The following FCHSD2 variants were observed in gnomAD, a reference collection of about 807,000 sequenced individuals.
The protein encoded by FCHSD2 is FCH and double SH3 domains 2.
A neutral mutation model predicts 108.1 loss-of-function variants in FCHSD2; 38 were observed. The ratio of observed to expected loss-of-function variants is 0.35; its 90% CI spans 0.27 to 0.46. The LOEUF (loss-of-function observed/expected upper bound fraction) is 0.46. Ranked by LOEUF, FCHSD2 falls within the 20% of genes least tolerant of loss-of-function variation. The pLI is 1.00. For synonymous variants in FCHSD2, 279 were observed against 314.7 expected, an observed-to-expected ratio of 0.89 and a Z score of 1.20; for missense variants, 751 against 897.8, an observed-to-expected ratio of 0.84 and a Z score of 2.09.
intron 4 of FCHSD2, among the ~76,000 whole-genome samples, chr11:73,014,561 T>A (rs1487594188): frequency 6.6e-6 from 1 of 152,190 alleles, no homozygotes; most frequent in Non-Finnish European, 1.5e-5. Context: ...TCATATATCC[T>A]TCAGTTTTCT....
chr11:73,090,519 G>C (rs115503432), intron 2 of FCHSD2, among the ~76,000 whole-genome samples: 3 of 151,968 alleles, frequency 2.0e-5, no homozygotes, highest in African/African-American at 7.2e-5. Context: ...GCCACCGCGC[G>C]CGGCCTACAA....
At chr11:72,982,889 A>G (rs1239868387) in intron 8 of FCHSD2, among the ~76,000 whole-genome samples, 1 of 152,198 alleles carries the variant, frequency 6.6e-6, no homozygotes, top group African/African-American at 2.4e-5. Context: ...AGCCAAGCAC[A>G]ATGGCTCACA....
chr11:72,914,302 A>G (rs1210322550), intron 9 of FCHSD2, among the ~76,000 whole-genome samples: 1 of 152,208 alleles, frequency 6.6e-6, no homozygotes, highest in East Asian at 1.9e-4. Flanking sequence ...GGTGTGAGTC[A>G]GGTGCCCAGC....
chr11:72,914,542 T>C (rs1219463680), intron 9 of FCHSD2, among the ~76,000 whole-genome samples: 5 of 151,976 alleles, frequency 3.3e-5, no homozygotes, highest in East Asian at 1.9e-4. Context: ...AACAGACACA[T>C]AGACCAATGA....
intron 8 of FCHSD2, among the ~76,000 whole-genome samples, chr11:72,926,206 C>A (rs1462691710): frequency 2.0e-5 from 3 of 152,134 alleles, no homozygotes; most frequent in African/African-American, 7.2e-5. Context: ...GGGGGCTGGA[C>A]TGCCAGTCCA....
At chr11:72,947,244 C>A (rs1033677631) in intron 8 of FCHSD2, among the ~76,000 whole-genome samples, 3 of 152,188 alleles carry the variant, frequency 2.0e-5, no homozygotes, top group African/African-American at 7.2e-5. Context: ...ATTTAAACTT[C>A]CCCTGGGTAA....
chr11:73,024,048 C>T (rs540806789), intron 3 of FCHSD2, among the ~76,000 whole-genome samples: 2 of 152,162 alleles, frequency 1.3e-5, no homozygotes, highest in African/African-American at 4.8e-5. Context: ...AACTAATATA[C>T]ATAGTATTGT....
At chr11:73,108,556 T>C (rs1024449350) in intron 2 of FCHSD2, among the ~76,000 whole-genome samples, 1 of 152,236 alleles carries the variant, frequency 6.6e-6, no homozygotes, top group African/African-American at 2.4e-5. Flanking sequence ...TTTAAGTTTT[T>C]TTTTTTGTTT....
At chr11:72,855,947 A>G (rs1304465150) in intron 13 of FCHSD2, among the ~76,000 whole-genome samples, 1 of 152,220 alleles carries the variant, frequency 6.6e-6, no homozygotes. Context: ...AACCTAATAA[A>G]GAAGAGACAA....
rs538371021 is a variant in FCHSD2 at position 72,978,167 on chromosome 11, G to T, written c.705+5921C>A. Among the ~76,000 whole-genome samples the T allele has an allele frequency of 4.6e-5, 7 of 152,122 alleles. No homozygotes were observed. The South Asian group carries it at 6.2e-4, about 14-fold the overall frequency. On this transcript the variant is annotated intron_variant, in intron 8 of 19. Transcript: ENST00000409418. ...CACACACTGGGGCCTGTCATGGGGT[G>T]GGGGGAGCGGGGAGGGATAGCGTTA...
At chr11:72,947,398 G>A (rs1235617817) in intron 8 of FCHSD2, among the ~76,000 whole-genome samples, 2 of 152,184 alleles carry the variant, frequency 1.3e-5, no homozygotes, top group East Asian at 3.8e-4. Context: ...GCTCTCCCAT[G>A]TAGTGTCCCC....
chr11:73,112,235 T>C (rs1860502642), intron 2 of FCHSD2, among the ~76,000 whole-genome samples: 1 of 152,338 alleles, frequency 6.6e-6, no homozygotes, highest in Non-Finnish European at 1.5e-5. Context: ...TTTTCCTTAA[T>C]GTTTGAAGGA....
intron 3 of FCHSD2, among the ~76,000 whole-genome samples, chr11:73,038,670 G>A (rs192670225): frequency 1.3e-5 from 2 of 152,168 alleles, no homozygotes; most frequent in Admixed American, 1.3e-4. Context: ...CATAAACATG[G>A]GAATAATAAA....
chr11:72,883,462 A>G (rs775512747), intron 12 of FCHSD2, among the ~76,000 whole-genome samples: 4 of 152,202 alleles, frequency 2.6e-5, no homozygotes, highest in South Asian at 2.1e-4. Flanking sequence ...TAATAAGACC[A>G]ATCTAAATTT....
At chr11:72,848,950 C>T (rs1861216291) in intron 14 of FCHSD2, among the ~76,000 whole-genome samples, 1 of 152,160 alleles carries the variant, frequency 6.6e-6, no homozygotes, top group Admixed American at 6.6e-5. Context: ...AAAATGCTAA[C>T]ACTTTCAATG....
Position 73,050,459 on chromosome 11 carries a change from C to T in FCHSD2, c.165+33236G>A, listed in dbSNP as rs1394099341. On this transcript the variant is annotated intron_variant, in intron 3 of 19. Coordinates refer to ENST00000409418, the MANE Select transcript of FCHSD2 (RefSeq NM_014824.3). ...AATATTACTATAAACATATATGGGA[C>T]GGGTCACCTTTATCACAATGGATTT... Among the ~76,000 whole-genome samples the T allele has an allele frequency of 7.9e-5, 12 of 152,164 alleles. No homozygotes were observed. In the East Asian group the frequency reaches 9.6e-4, roughly 12 times the overall value.
chr11:73,121,467 G>A (rs1565100405), intron 2 of FCHSD2, among the ~76,000 whole-genome samples: 1 of 152,106 alleles, frequency 6.6e-6, no homozygotes, highest in African/African-American at 2.4e-5. Flanking sequence ...ATTAAAAGTT[G>A]TGATCTTAGA....
intron 3 of FCHSD2, among the ~76,000 whole-genome samples, chr11:73,016,925 T>C (rs1285168241): frequency 6.6e-6 from 1 of 152,232 alleles, no homozygotes; most frequent in African/African-American, 2.4e-5. Flanking sequence ...AGAATTGATT[T>C]TAAACTGCTC....
chr11:73,004,363 T>G (rs1390767511), intron 4 of FCHSD2, among the ~76,000 whole-genome samples: 2 of 152,148 alleles, frequency 1.3e-5, no homozygotes, highest in Non-Finnish European at 2.9e-5. Context: ...ATTCTGCCAT[T>G]ACTAATAACT....
Sources: allele counts gnomAD v4.1 joint callset (sites outside exome capture counted in the v4.1 genomes callset), GRCh38; gene constraint gnomAD v4.1.1; transcripts MANE v1.5; gene names NCBI Gene and HGNC (gene_info 2026-07-23, HGNC 2026-07-21).